The following MYO3A variants were observed in gnomAD, a reference collection of about 807,000 sequenced individuals.
The protein encoded by MYO3A is myosin IIIA.
MYO3A carries 180 observed loss-of-function variants against 192.7 expected under a neutral mutation model. The observed-to-expected ratio is 0.93, with a 90% CI of 0.83 to 1.06. The LOEUF is 1.06. Among genes scored for constraint, MYO3A ranks in the 50% least tolerant of loss-of-function variants. The pLI is 0.00. For synonymous variants in MYO3A, 628 were observed against 645.3 expected (o/e 0.97, Z 0.41); for missense variants, 1,896 against 1,905.0 (o/e 1.00, Z 0.09).
At chr10:26,206,902 G>GTGTGA (rs1188632531) in intron 34 of MYO3A, among the ~76,000 whole-genome samples, 2 of 152,106 alleles carry the variant, frequency 1.3e-5, no homozygotes, top group Non-Finnish European at 2.9e-5. Flanking sequence ...ATCCTAACAG[G>GTGTGA]TGTGAGATCT....
intron 10 of MYO3A, among the ~76,000 whole-genome samples, chr10:26,060,284 C>A (rs77593032): frequency 0.22 from 16,813 of 75,252 alleles, 1,094 homozygotes; most frequent in Non-Finnish European, 0.28. Context: ...TAAATACATA[C>A]ATAAATAAAT....
intron 7 of MYO3A, 70 bp downstream of exon 7, chr10:26,016,966 C>G: frequency 1.4e-6 from 2 of 1,393,482 alleles, no homozygotes; most frequent in Non-Finnish European, 2.0e-6. Context: ...TATGTGTACT[C>G]TATCTCTGTA....
At chr10:26,033,296 G>A (rs773572235) in intron 10 of MYO3A, among the ~76,000 whole-genome samples, 11 of 152,040 alleles carry the variant, frequency 7.2e-5, no homozygotes, top group Non-Finnish European at 1.6e-4. Context: ...TGCCAGGCTG[G>A]TCTCAAACTC....
intron 8 of MYO3A, chr10:26,023,359 G>A (rs1421609532): frequency 6.6e-6 from 1 of 152,304 alleles, no homozygotes; most frequent in African/African-American, 2.4e-5. Flanking sequence ...GATCAATGTT[G>A]CTTGATTACA....
At chr10:26,143,073 G>C (rs1196151473) in intron 20 of MYO3A, among the ~76,000 whole-genome samples, 1 of 152,174 alleles carries the variant, frequency 6.6e-6, no homozygotes, top group Non-Finnish European at 1.5e-5. Flanking sequence ...GCTCATGCCT[G>C]TAATCCCAGC....
intron 20 of MYO3A, among the ~76,000 whole-genome samples, chr10:26,142,341 C>T (rs1034931867): frequency 1.3e-5 from 2 of 152,200 alleles, no homozygotes; most frequent in Non-Finnish European, 2.9e-5. Flanking sequence ...CACACATGTA[C>T]TCTGTCTGAC....
chr10:26,035,572 T>C (rs923674770), intron 10 of MYO3A, among the ~76,000 whole-genome samples: 4 of 152,232 alleles, frequency 2.6e-5, no homozygotes, highest in African/African-American at 9.6e-5. Context: ...CAAGTAATTA[T>C]ACAATCATAG....
intron 20 of MYO3A, among the ~76,000 whole-genome samples, chr10:26,139,722 G>A (rs1840046215): frequency 6.6e-6 from 1 of 151,940 alleles, no homozygotes; most frequent in Admixed American, 6.6e-5. Context: ...GGCCAACAGG[G>A]CAAGACCCAA....
chr10:26,011,948 T>A (rs1841688966), intron 6 of MYO3A, among the ~76,000 whole-genome samples: 1 of 152,180 alleles, frequency 6.6e-6, no homozygotes, highest in African/African-American at 2.4e-5. Context: ...GTTTAACATA[T>A]ACAAGTCAAT....
chr10:26,009,647 A>G (rs1841493671), intron 6 of MYO3A, among the ~76,000 whole-genome samples: 1 of 152,202 alleles, frequency 6.6e-6, no homozygotes. Flanking sequence ...TCTGACCTCA[A>G]CACAGCTGTA....
chr10:26,110,327 G>C (rs1332128656), intron 17 of MYO3A, among the ~76,000 whole-genome samples: 1 of 152,092 alleles, frequency 6.6e-6, no homozygotes, highest in East Asian at 1.9e-4. Flanking sequence ...CTCTCTCAAT[G>C]CATTAGATGG....
At chr10:25,990,496 A>G (rs144700020) in intron 4 of MYO3A, among the ~76,000 whole-genome samples, 2,285 of 151,312 alleles carry the variant, frequency 0.015, 69 homozygotes, top group African/African-American at 0.053. Flanking sequence ...AAAGAGTTGT[A>G]TTTCTTTTTT....
chr10:26,188,252 G>C (rs1354502508), intron 31 of MYO3A, among the ~76,000 whole-genome samples: 1 of 152,156 alleles, frequency 6.6e-6, no homozygotes, highest in African/African-American at 2.4e-5. Flanking sequence ...GTGATGATGA[G>C]CATTTTTTCA....
chr10:25,972,999 T>C (rs1838754049), intron 4 of MYO3A, among the ~76,000 whole-genome samples: 1 of 152,256 alleles, frequency 6.6e-6, no homozygotes, highest in Non-Finnish European at 1.5e-5. Flanking sequence ...TTAAAAATTC[T>C]ATTTGCTAAT....
intron 14 of MYO3A, among the ~76,000 whole-genome samples, chr10:26,083,150 G>A (rs1426799980): frequency 6.6e-6 from 1 of 152,032 alleles, no homozygotes; most frequent in African/African-American, 2.4e-5. Context: ...GACTACTCTT[G>A]TGCTTTGGGG....
intron 6 of MYO3A, among the ~76,000 whole-genome samples, chr10:26,007,584 A>T (rs140901463): frequency 0.042 from 6,454 of 152,088 alleles, 171 homozygotes; most frequent in Middle Eastern, 0.062. Context: ...CTTATACACC[A>T]ATCACAGACA....
intron 26 of MYO3A, among the ~76,000 whole-genome samples, chr10:26,159,762 G>T (rs1168349390): frequency 2.0e-5 from 3 of 152,056 alleles, no homozygotes; most frequent in Non-Finnish European, 1.5e-5. Flanking sequence ...TTTCATGATG[G>T]AGATCAAAAT....
rs148652845 is a variant in MYO3A at position 26,017,025 on chromosome 10, G to T, written c.585+129G>T. 7.2e-4 allele frequency: 763 copies of T among 1,066,888 alleles called. 3 individuals carry two copies. The Middle Eastern group carries it at 0.014, about 20-fold the overall frequency. The allele number at this position is 1,066,888 out of a possible 1,614,324, so 66.1% of individuals were successfully genotyped here. On this transcript the variant is annotated intron_variant, in intron 7 of 34. Transcript: ENST00000642920. ...AAACTCTCAGTTGTGTTATTTTCAT[G>T]TGAGAATTTTGCATGTGTGAGGAGG...
chr10:26,129,496 T>A (rs1198844227), intron 20 of MYO3A, among the ~76,000 whole-genome samples: 1 of 152,164 alleles, frequency 6.6e-6, no homozygotes, highest in East Asian at 1.9e-4. Context: ...TTTAAAATCT[T>A]AAAAGCAAAC....
Sources: gnomAD v4.1 joint callset for allele counts (sites outside exome capture counted in the v4.1 genomes callset) on GRCh38, gnomAD v4.1.1 for gene constraint, MANE v1.5 for transcripts, NCBI Gene and HGNC (gene_info 2026-07-23, HGNC 2026-07-21) for gene names.